The following DSG4 variants were observed in gnomAD, a reference collection of about 807,000 sequenced individuals.
The protein encoded by DSG4 is desmoglein 4, also known as desmoglein-4.
In DSG4, 87 loss-of-function variants were observed where a neutral mutation model predicts 93.1. That is an observed-to-expected ratio of 0.93 (90% confidence interval 0.79 to 1.12). DSG4 has a LOEUF of 1.12. Among genes scored for constraint, DSG4 ranks in the 50% most tolerant of loss-of-function variants. The pLI is 0.00. For missense variants in DSG4, 1,373 were observed against 1,285.7 expected (o/e 1.07, Z -1.04); for synonymous variants, 432 against 452.9 (o/e 0.95, Z 0.59).
chr18:31,381,213 G>A (rs1435117009), intron 1 of DSG4, among the ~76,000 whole-genome samples: 2 of 152,162 alleles, frequency 1.3e-5, no homozygotes, highest in African/African-American at 4.8e-5. Flanking sequence ...AACATGGTCA[G>A]TGAGCTTTAA....
At chr18:31,389,092 C>CAT (rs1232657916) in intron 5 of DSG4, 74 bp downstream of exon 5, 175 of 1,544,212 alleles carry the variant, frequency 1.1e-4, no homozygotes, top group Non-Finnish European at 1.3e-4. Context: ...AGAGGACTGA[C>CAT]ATACAGGAAA....
At position 31,413,330 on chromosome 18, in the gene DSG4, C is replaced by T; in HGVS notation, c.2858C>T (p.Pro953Leu). ...GATATTCAAGGGAATATTTGTGTACCTGCTGAGTTAGCAGATTACAACAAT... is the reference window on the plus strand; with the variant it reads ...GATATTCAAGGGAATATTTGTGTACTTGCTGAGTTAGCAGATTACAACAAT... Reference protein sequence around the residue: ...VYDIQGNICVPAELADYNNVI... With the variant: ...VYDIQGNICVLAELADYNNVI... Residue 953 changes from proline to leucine, a missense_variant, in exon 16 of 16, where the codon CCT becomes CTT. Pro to Leu is a moderately conservative substitution (Grantham distance 98, BLOSUM62 -3). Transcript: ENST00000308128. The T allele has an allele frequency of 6.2e-7, 1 of 1,614,074 alleles. No homozygotes were observed. The highest frequency in any genetic ancestry group is 1.3e-5 in the African/African-American group (1 of 75,010).
rs1366231964 is a variant in DSG4 at position 31,411,343 on chromosome 18, A to C, written c.2250A>C (p.Ala750=). ...TAVGLMAAGA[A]GASGAARKRS... ...TTGGCCTCATGGCCGCAGGGGCCGC[A>C]GGAGCCTCAGGGGCCGCAAGGAAGA... Residue 750 remains alanine, a synonymous_variant, in exon 15 of 16, where the codon GCA becomes GCC. Transcript: ENST00000308128. 6.2e-7 allele frequency: 1 copy of C among 1,611,070 alleles called. No homozygotes were observed. The highest frequency in any genetic ancestry group is 2.2e-5 in the East Asian group (1 of 44,860).
At chr18:31,396,860 T>A (rs2072311539) in intron 8 of DSG4, among the ~76,000 whole-genome samples, 1 of 152,114 alleles carries the variant, frequency 6.6e-6, no homozygotes, top group African/African-American at 2.4e-5. Context: ...TGCCGAGACT[T>A]TTCTTCCAAG....
intron 12 of DSG4, among the ~76,000 whole-genome samples, chr18:31,407,245 A>T (rs1490587407): frequency 1.3e-5 from 2 of 152,226 alleles, no homozygotes; most frequent in African/African-American, 4.8e-5. Flanking sequence ...GCATGGAGGC[A>T]TGTTCATGAC....
intron 5 of DSG4, among the ~76,000 whole-genome samples, chr18:31,390,278 T>C (rs1450949895): frequency 6.6e-6 from 1 of 151,952 alleles, no homozygotes; most frequent in African/African-American, 2.4e-5. Context: ...ATAATTTTCC[T>C]TAATTAAGCA....
chr18:31,388,257 T>C, intron 3 of DSG4, 110 bp from the exon 4 acceptor site: 1 of 1,281,686 alleles, frequency 7.8e-7, no homozygotes, highest in Non-Finnish European at 1.1e-6. Context: ...GGTGTCAGGT[T>C]TCAATCCAAA....
At chr18:31,398,026 C>CAAAAAAAAAAAAAAAAAAAAAAAAAA (rs58572396) in intron 8 of DSG4, among the ~76,000 whole-genome samples, 1 of 80,810 alleles carries the variant, frequency 1.2e-5, no homozygotes, top group Non-Finnish European at 2.4e-5. Context: ...GACCCTGTCT[C>CAAAAAAAAAAAAAAAAAAAAAAAAAA]AAAAAAAAAA....
At chr18:31,399,148 C>CA (rs1276029022) in intron 8 of DSG4, 124 bp from the exon 9 acceptor site, 26 of 1,315,250 alleles carry the variant, frequency 2.0e-5, no homozygotes, top group Non-Finnish European at 2.6e-5. Flanking sequence ...TTTTTCAATT[C>CA]AAAATCTAAA....
intron 15 of DSG4, among the ~76,000 whole-genome samples, chr18:31,411,764 C>A (rs1007323335): frequency 6.6e-6 from 1 of 151,872 alleles, no homozygotes; most frequent in South Asian, 2.1e-4. Context: ...AGTAGCAAAG[C>A]AGGAAAATGC....
intron 15 of DSG4, among the ~76,000 whole-genome samples, chr18:31,411,933 C>T (rs1036163415): frequency 6.6e-5 from 10 of 152,182 alleles, no homozygotes; most frequent in Admixed American, 2.0e-4. Flanking sequence ...TAGATTAAGA[C>T]CTAGAAGATA....
chr18:31,403,521 C>T lies in DSG4; in HGVS notation c.1523C>T (p.Ser508Phe). The change falls in exon 11 of 16, where the codon TCT (serine) becomes TTT (phenylalanine). Residue 508 changes from serine (S) to phenylalanine (F), a missense_variant. Coordinates refer to ENST00000308128, the MANE Select transcript of DSG4 (RefSeq NM_177986.5). Reference sequence around the variant, plus strand: ...GAAAGAAGAACCATCTGCATTGACTCTCCATCAGTCCTTATCTCTGTTAAT... The same window carrying T: ...GAAAGAAGAACCATCTGCATTGACTTTCCATCAGTCCTTATCTCTGTTAAT... ...FPERRTICID[S>F]PSVLISVNEH... 1.2e-6 allele frequency: 2 copies of T among 1,614,040 alleles called. No homozygotes were observed. The highest frequency in any genetic ancestry group is 1.7e-5 in the Admixed American group (1 of 60,006).
rs765993971 is a variant in DSG4 at position 31,388,384 on chromosome 18, A to T, written c.234A>T (p.Glu78Asp). ...TCTTATAGATTCGATCAGACTGCGA[A>T]TCGAACCAGAAGATAACATACCGGA... ...NPIAKIRSDC[E>D]SNQKITYRIS... Residue 78 changes from glutamate (E) to aspartate (D), a missense_variant, in exon 4 of 16, where the codon GAA (glutamate) becomes GAT (aspartate). Transcript: ENST00000308128. 6 of 1,613,276 alleles carry T rather than the reference A, an allele frequency of 3.7e-6. No homozygotes were observed. Among genetic ancestry groups the T allele is most frequent in the Non-Finnish European group, 5.1e-6 (6 of 1,179,462 alleles).
At position 31,413,813 on chromosome 18, in the gene DSG4, C is replaced by A; in HGVS notation, c.*218C>A. On this transcript the variant is annotated 3_prime_UTR_variant, in exon 16 of 16. Coordinates refer to ENST00000308128, the MANE Select transcript of DSG4 (RefSeq NM_177986.5). Reference sequence around the variant, plus strand: ...TTCTTTCTGATTTTAAATAATGCGTCAAAAAATGTGCAGAAAATGTATTGC... The same window carrying A: ...TTCTTTCTGATTTTAAATAATGCGTAAAAAAATGTGCAGAAAATGTATTGC... 5 of 568,350 alleles carry A rather than the reference C, an allele frequency of 8.8e-6. No individual in the cohort carries two copies. Among genetic ancestry groups the A allele is most frequent in the Non-Finnish European group, 1.5e-5 (5 of 332,300 alleles). 35.2% of individuals were successfully genotyped at this position (568,350 alleles called of 1,614,324 possible). A position where few individuals can be genotyped will look rare whatever the true frequency, so the allele number is the denominator to read the frequency against.
intron 1 of DSG4, among the ~76,000 whole-genome samples, chr18:31,377,943 A>G (rs1437159018): frequency 1.3e-5 from 2 of 152,236 alleles, no homozygotes; most frequent in African/African-American, 4.8e-5. Context: ...TCCTCTGAAC[A>G]TCAGTTGTAA....
At chr18:31,407,918 G>A (rs1025528932) in intron 12 of DSG4, among the ~76,000 whole-genome samples, 1 of 152,220 alleles carries the variant, frequency 6.6e-6, no homozygotes, top group African/African-American at 2.4e-5. Context: ...GCATCAGCAT[G>A]TTCAAGCCCT....
In DSG4 at chr18:31,386,781, G is replaced by A. The variant is rs774203896; in HGVS notation, c.178G>A (p.Glu60Lys). Residue 60 changes from glutamate to lysine, a missense_variant, in exon 3 of 16, where the codon GAA (glutamate) becomes AAA (lysine). Glu to Lys is a moderately conservative substitution (Grantham distance 56, BLOSUM62 1). Transcript: ENST00000308128. ...EWIKFAAACR[E>K]GEDNSKRNPI... The stretch of plus-strand genomic sequence containing the variant: ...GATCAAGTTTGCCGCAGCCTGTCGA[G>A]AAGGAGAGGACAACTCGAAGAGGAA... 1 of 1,613,420 alleles carries A rather than the reference G, an allele frequency of 6.2e-7. No homozygotes were observed. Among genetic ancestry groups the A allele is most frequent in the East Asian group, 2.2e-5 (1 of 44,868 alleles).
intron 10 of DSG4, among the ~76,000 whole-genome samples, chr18:31,401,339 G>A (rs2144199647): frequency 6.6e-6 from 1 of 152,272 alleles, no homozygotes; most frequent in Admixed American, 6.5e-5. Flanking sequence ...TGTTGGGAAT[G>A]TTTACTTAAA....
Position 31,387,264 on chromosome 18 carries a change from A to G in DSG4, c.216+445A>G, listed in dbSNP as rs561975038. Among the ~76,000 whole-genome samples the G allele has an allele frequency of 7.2e-5, 11 of 152,294 alleles. No homozygotes were observed. The South Asian group carries it at 2.1e-3, about 29-fold the overall frequency. ...AATAAGAGAGTCTTATAAGACTTTC[A>G]CAAATAATGCCTACTGAAAAGGAAG... On this transcript the variant is annotated intron_variant, in intron 3 of 15. Transcript: ENST00000308128.
Sources: allele counts gnomAD v4.1 joint callset (sites outside exome capture counted in the v4.1 genomes callset), GRCh38; gene constraint gnomAD v4.1.1; transcripts MANE v1.5; gene names NCBI Gene and HGNC (gene_info 2026-07-23, HGNC 2026-07-21).